CCDC60: variants seen among roughly 807,000 people sequenced by gnomAD.
CCDC60 encodes coiled-coil domain containing 60.
Under a neutral mutation model 63.5 loss-of-function variants are expected in CCDC60, and 54 were observed. The ratio of observed to expected loss-of-function variants is 0.85; its 90% CI spans 0.68 to 1.07. The LOEUF (loss-of-function observed/expected upper bound fraction) is 1.07. Ranked by LOEUF, CCDC60 falls within the 50% of genes least tolerant of loss-of-function variation. CCDC60 has a pLI of 0.00. For synonymous variants in CCDC60, 206 were observed against 238.8 expected (o/e 0.86, Z 1.27); for missense variants, 651 against 684.3 (o/e 0.95, Z 0.54).
In CCDC60 at chr12:119,423,813, G is replaced by A. The variant is rs115515939; in HGVS notation, c.91-4870G>A. Among the ~76,000 whole-genome samples, 1,393 of 152,224 alleles carry A rather than the reference G, an allele frequency of 9.2e-3. 22 individuals are homozygous for A. The highest frequency in any genetic ancestry group is 0.031 in the African/African-American group (1,304 of 41,552). ...TTCCCTTTGTTGAACTACCTGTCAT[G>A]AGTTCTGATTTCCTGCCTAGACCCT... is the stretch of plus-strand genomic sequence containing the variant. On this transcript the variant is annotated intron_variant, in intron 1 of 13. Transcript: ENST00000327554.
At chr12:119,470,791 C>T (rs760668750) in intron 2 of CCDC60, among the ~76,000 whole-genome samples, 18 of 152,150 alleles carry the variant, frequency 1.2e-4, no homozygotes, top group Non-Finnish European at 2.5e-4. Flanking sequence ...GCCCAGAGTC[C>T]TGCCTCTCCC....
At chr12:119,412,617 C>A (rs978927379) in intron 1 of CCDC60, among the ~76,000 whole-genome samples, 1 of 152,126 alleles carries the variant, frequency 6.6e-6, no homozygotes, top group Non-Finnish European at 1.5e-5. Context: ...CTGGTTCTAG[C>A]CCTCACTCAC....
At chr12:119,412,411 G>T (rs895256541) in intron 1 of CCDC60, among the ~76,000 whole-genome samples, 2 of 152,206 alleles carry the variant, frequency 1.3e-5, no homozygotes, top group South Asian at 2.1e-4. Flanking sequence ...GAAGCCACTT[G>T]GGGGCTTAAC....
intron 1 of CCDC60, among the ~76,000 whole-genome samples, chr12:119,390,159 T>G (rs1956131505): frequency 6.6e-6 from 1 of 152,170 alleles, no homozygotes; most frequent in Non-Finnish European, 1.5e-5. Flanking sequence ...TCAATATACC[T>G]CACATCTTCC....
At chr12:119,505,997 A>G (rs567863462) in intron 7 of CCDC60, among the ~76,000 whole-genome samples, 21 of 152,302 alleles carry the variant, frequency 1.4e-4, no homozygotes, top group Admixed American at 2.0e-4. Flanking sequence ...TTTTTTAAAC[A>G]GCTTTATTAT....
chr12:119,400,144 G>A (rs1956364779), intron 1 of CCDC60, among the ~76,000 whole-genome samples: 2 of 151,582 alleles, frequency 1.3e-5, no homozygotes, highest in African/African-American at 4.8e-5. Context: ...CCGCCTCCGG[G>A]GTTCACACCA....
chr12:119,378,884 G>A (rs1471076154), intron 1 of CCDC60, among the ~76,000 whole-genome samples: 2 of 152,300 alleles, frequency 1.3e-5, no homozygotes, highest in East Asian at 1.9e-4. Flanking sequence ...ACCCATAGAC[G>A]AATCTTCCCT....
chr12:119,482,824 G>T (rs1037519940), intron 4 of CCDC60, among the ~76,000 whole-genome samples: 2 of 152,058 alleles, frequency 1.3e-5, no homozygotes, highest in Non-Finnish European at 2.9e-5. Context: ...TGGGTGAGCT[G>T]GAGGTTGGCT....
chr12:119,343,359 C>T lies in CCDC60; in HGVS notation c.90+8093C>T, dbSNP rs145148638. On this transcript the variant is annotated intron_variant, in intron 1 of 13. Transcript: ENST00000327554. ...CTCGGGGTTTCTGGATTTCACTAAG[C>T]GGGGAGATTATACAACTGGGACAGA... Among the ~76,000 whole-genome samples the T allele has an allele frequency of 2.0e-3, 297 of 152,048 alleles. 1 individual carries two copies. The highest frequency in any genetic ancestry group is 3.2e-3 in the Non-Finnish European group (215 of 67,968).
intron 1 of CCDC60, among the ~76,000 whole-genome samples, chr12:119,426,786 G>GA (rs1224613711): frequency 1.3e-5 from 2 of 152,192 alleles, no homozygotes; most frequent in East Asian, 3.8e-4. Flanking sequence ...GAGAAAAATG[G>GA]AATCAAGCAG....
At chr12:119,346,896 C>T (rs1190709272) in intron 1 of CCDC60, among the ~76,000 whole-genome samples, 2 of 150,608 alleles carry the variant, frequency 1.3e-5, no homozygotes, top group Non-Finnish European at 1.5e-5. Flanking sequence ...GTGATCTGGG[C>T]TCACTGCAGC....
intron 1 of CCDC60, among the ~76,000 whole-genome samples, chr12:119,387,534 C>T (rs1757765196): frequency 6.6e-6 from 1 of 152,162 alleles, no homozygotes; most frequent in African/African-American, 2.4e-5. Context: ...TCTCCCAGCT[C>T]CAGAGGTAAA....
intron 2 of CCDC60, among the ~76,000 whole-genome samples, chr12:119,446,960 T>C (rs1950554985): frequency 6.6e-6 from 1 of 152,066 alleles, no homozygotes; most frequent in Admixed American, 6.5e-5. Flanking sequence ...CTGCTGTGAG[T>C]CAGGCACTGG....
chr12:119,419,650 A>G (rs949014675), intron 1 of CCDC60, among the ~76,000 whole-genome samples: 4 of 152,056 alleles, frequency 2.6e-5, no homozygotes, highest in African/African-American at 9.7e-5. Flanking sequence ...CAGGCCCTGT[A>G]CCATGTGCTG....
intron 1 of CCDC60, among the ~76,000 whole-genome samples, chr12:119,399,443 T>C (rs556052458): frequency 2.0e-5 from 3 of 152,360 alleles, no homozygotes; most frequent in Non-Finnish European, 2.9e-5. Flanking sequence ...ATAAAGTTCC[T>C]TCAAATGAGT....
chr12:119,456,074 T>C lies in CCDC60; in HGVS notation c.171-15920T>C, dbSNP rs1400751765. Among the ~76,000 whole-genome samples, 1 of 128,532 alleles carries C rather than the reference T, an allele frequency of 7.8e-6. No individual in the cohort carries two copies. The highest frequency in any genetic ancestry group is 1.7e-5 in the Non-Finnish European group (1 of 58,130). 84.3% of individuals were successfully genotyped at this position (128,532 alleles called of 152,430 possible). On this transcript the variant is annotated intron_variant, in intron 2 of 13. Coordinates refer to ENST00000327554, the MANE Select transcript of CCDC60 (RefSeq NM_178499.5). The surrounding 1 kb of genome is among the most constrained non-coding windows in gnomAD (Gnocchi z 4.6). ...AAGAAAGAAAGAAAGCAAGCAAGCA[T>C]GTGCAATTTCAAGGGGGTAGAGAGA...
chr12:119,394,696 C>A (rs1683353077), intron 1 of CCDC60, among the ~76,000 whole-genome samples: 1 of 152,172 alleles, frequency 6.6e-6, no homozygotes, highest in Admixed American at 6.5e-5. Flanking sequence ...CCTTTTTTGT[C>A]CTTGCCACCT....
intron 2 of CCDC60, among the ~76,000 whole-genome samples, chr12:119,461,163 C>A (rs758826852): frequency 1.3e-5 from 2 of 152,158 alleles, no homozygotes; most frequent in African/African-American, 2.4e-5. Flanking sequence ...GACTGTTAAG[C>A]AAGCTGACGA....
At position 119,464,759 on chromosome 12, in the gene CCDC60, G is replaced by T. The variant is rs1373688055; in HGVS notation, c.171-7235G>T. Among the ~76,000 whole-genome samples, 7 of 152,166 alleles carry T rather than the reference G, an allele frequency of 4.6e-5. No homozygotes were observed. In the East Asian group the frequency reaches 1.3e-3, roughly 29 times the overall value. On this transcript the variant is annotated intron_variant, in intron 2 of 13. Transcript: ENST00000327554. ...AGGACCTAAAGCTACACTGGACAAGGATTAAGTCATGCAGAACTACAGGTC... is the reference window on the plus strand; with the variant it reads ...AGGACCTAAAGCTACACTGGACAAGTATTAAGTCATGCAGAACTACAGGTC...
Sources: allele counts gnomAD v4.1 joint callset (sites outside exome capture counted in the v4.1 genomes callset), GRCh38; gene constraint gnomAD v4.1.1; non-coding constraint Gnocchi (gnomAD v3.1); transcripts MANE v1.5; gene names NCBI Gene and HGNC (gene_info 2026-07-23, HGNC 2026-07-21).